Variants in SLC2A9 observed in about 807,000 individuals in gnomAD.
The protein encoded by SLC2A9 is solute carrier family 2, facilitated glucose transporter member 9.
In SLC2A9, 39 loss-of-function variants were observed where a neutral mutation model predicts 50.6. That is an observed-to-expected ratio of 0.77 (90% CI 0.60 to 1.01). The LOEUF is 1.01. Ranked by LOEUF, SLC2A9 falls within the 50% of genes least tolerant of loss-of-function variation. SLC2A9 has a pLI of 0.00. For missense variants in SLC2A9, 686 were observed against 677.6 expected, an observed-to-expected ratio of 1.01 and a Z score of -0.14; for synonymous variants, 324 against 276.9, an observed-to-expected ratio of 1.17 and a Z score of -1.69.
intron 1 of SLC2A9, among the ~76,000 whole-genome samples, chr4:10,027,064 A>G (rs955726318): frequency 6.6e-6 from 1 of 151,940 alleles, no homozygotes; most frequent in Non-Finnish European, 1.5e-5. Context: ...AAAAAAAAAG[A>G]ACCCAGACAC....
chr4:9,906,198 A>C (rs557407796), intron 8 of SLC2A9, among the ~76,000 whole-genome samples: 1 of 152,332 alleles, frequency 6.6e-6, no homozygotes, highest in Admixed American at 6.5e-5. Flanking sequence ...AGTCACAGAG[A>C]TGCTGAATAA....
chr4:9,879,218 G>T (rs1038854177), intron 10 of SLC2A9: 3 of 985,170 alleles, frequency 3.0e-6, no homozygotes, highest in East Asian at 2.3e-4. Flanking sequence ...CCAGAGGGGC[G>T]GGCTGTTTCT....
chr4:9,798,115 A>G (rs961526524), downstream of SLC2A9, among the ~76,000 whole-genome samples: 1 of 152,238 alleles, frequency 6.6e-6, no homozygotes, highest in Non-Finnish European at 1.5e-5. Flanking sequence ...GATTTTAGTC[A>G]GGATGGGTCT....
At chr4:9,982,440 G>C (rs1292005491) in intron 4 of SLC2A9, among the ~76,000 whole-genome samples, 2 of 150,556 alleles carry the variant, frequency 1.3e-5, no homozygotes, top group African/African-American at 4.9e-5. Flanking sequence ...AAAGCTCATA[G>C]GAAAAAGGGT....
At chr4:9,933,026 C>T (rs1289181396) in intron 6 of SLC2A9, among the ~76,000 whole-genome samples, 1 of 152,208 alleles carries the variant, frequency 6.6e-6, no homozygotes, top group Non-Finnish European at 1.5e-5. Flanking sequence ...AGAGCAGCTC[C>T]AGCATCTGCC....
chr4:9,827,126 G>A lies in SLC2A9; in HGVS notation c.1420-526C>T, dbSNP rs573918219. Among the ~76,000 whole-genome samples, 9 of 152,294 alleles carry A rather than the reference G, an allele frequency of 5.9e-5. No homozygotes were observed. The South Asian group carries it at 1.5e-3, about 25-fold the overall frequency. On this transcript the variant is annotated intron_variant, in intron 11 of 11. Coordinates refer to ENST00000264784, the MANE Select transcript of SLC2A9 (RefSeq NM_020041.3). ...GGCCTTGCACAAATAAGAGAGATCAGAAAAAATAGAAATGCTCAATGCAAT... is the reference window on the plus strand; with the variant it reads ...GGCCTTGCACAAATAAGAGAGATCAAAAAAAATAGAAATGCTCAATGCAAT...
At chr4:9,926,958 A>G (rs996890494) in intron 6 of SLC2A9, among the ~76,000 whole-genome samples, 12 of 151,830 alleles carry the variant, frequency 7.9e-5, no homozygotes, top group Non-Finnish European at 4.4e-5. Flanking sequence ...AAGAGGGAGC[A>G]TGGCCCTGCT....
intron 5 of SLC2A9, among the ~76,000 whole-genome samples, chr4:9,977,524 G>A (rs995316280): frequency 5.4e-4 from 82 of 150,860 alleles, no homozygotes; most frequent in African/African-American, 9.5e-4. Flanking sequence ...CCTTGCCAGC[G>A]GTCTCTCCCT....
intron 6 of SLC2A9, among the ~76,000 whole-genome samples, chr4:9,929,569 C>T (rs978874125): frequency 1.3e-5 from 2 of 152,150 alleles, no homozygotes; most frequent in Non-Finnish European, 2.9e-5. Flanking sequence ...TTAAGGTGGG[C>T]AAACATTGGC....
rs189943368 is a variant in SLC2A9 at position 9,813,831 on chromosome 4, C to T, written n.420+12589G>A. ...AATGAATGGGCCAGGTGATGTGGCT[C>T]ACACCTGTAATCCCAGCACTTTGAA... On this transcript the variant is annotated intron_variant and non_coding_transcript_variant, in intron 3 of 3. Transcript: ENST00000503280. Among the ~76,000 whole-genome samples the T allele has an allele frequency of 9.9e-5, 15 of 152,204 alleles. No homozygotes were observed. The East Asian group carries it at 1.4e-3, about 14-fold the overall frequency.
intron 10 of SLC2A9, among the ~76,000 whole-genome samples, chr4:9,850,934 C>G (rs1280054657): frequency 6.6e-6 from 1 of 152,128 alleles, no homozygotes; most frequent in African/African-American, 2.4e-5. Flanking sequence ...GTGCCCCACC[C>G]CCACTGGTGC....
chr4:9,783,897 G>A lies in SLC2A9; in HGVS notation n.386-3832C>T, dbSNP rs141292564. 683 of 177,398 alleles carry A rather than the reference G, an allele frequency of 3.9e-3. 7 individuals are homozygous for A. The highest frequency in any genetic ancestry group is 0.016 in the African/African-American group (655 of 41,708). 11.0% of individuals were successfully genotyped at this position (177,398 alleles called of 1,614,324 possible). On this transcript the variant is annotated intron_variant and non_coding_transcript_variant, in intron 3 of 3. Transcript: ENST00000503803. ...ACAGCTTTCCTGGGTCTGGATTCCC[G>A]TGGCTTTGTGCTTATGTCATTTCTT...
chr4:9,927,479 T>C (rs1423725774), intron 6 of SLC2A9, among the ~76,000 whole-genome samples: 1 of 152,236 alleles, frequency 6.6e-6, no homozygotes. Context: ...GCAAAGGGAC[T>C]TCACGTGGAG....
chr4:9,985,591 G>C (rs1045933529), intron 4 of SLC2A9, 78 bp downstream of exon 4: 11 of 1,582,834 alleles, frequency 6.9e-6, no homozygotes, highest in Non-Finnish European at 9.5e-6. Flanking sequence ...TCATGTGACA[G>C]CCCCAAACAC....
intron 5 of SLC2A9, among the ~76,000 whole-genome samples, chr4:9,964,025 C>T (rs965769147): frequency 6.6e-5 from 10 of 152,220 alleles, no homozygotes; most frequent in African/African-American, 1.7e-4. Flanking sequence ...CCAGGTCATA[C>T]GGACCTGGCA....
intron 5 of SLC2A9, among the ~76,000 whole-genome samples, chr4:9,967,801 A>T (rs1184583124): frequency 1.4e-5 from 2 of 144,348 alleles, no homozygotes; most frequent in Admixed American, 7.1e-5. Flanking sequence ...GTGACTGGTT[A>T]TTTAAAAATA....
At chr4:10,000,242 C>A (rs565819123) in intron 2 of SLC2A9, among the ~76,000 whole-genome samples, 1 of 152,320 alleles carries the variant, frequency 6.6e-6, no homozygotes, top group South Asian at 2.1e-4. Context: ...TCTACGTCAT[C>A]CACTGACTCA....
In SLC2A9 at chr4:9,892,195, G is replaced by A. The variant is rs367962733; in HGVS notation, c.1114-1484C>T. On this transcript the variant is annotated intron_variant, in intron 8 of 11. Coordinates refer to ENST00000264784, the MANE Select transcript of SLC2A9 (RefSeq NM_020041.3). The stretch of plus-strand genomic sequence containing the variant: ...GTGAGTGACAGCTGCCTGTCCGAAG[G>A]GCATAGCCCTGTGGGTCAGCTGAGC... Among the ~76,000 whole-genome samples the A allele has an allele frequency of 6.6e-5, 10 of 152,338 alleles. No individual in the cohort carries two copies. In the East Asian group the frequency reaches 9.7e-4, roughly 15 times the overall value.
chr4:9,813,846 A>C (rs892867359), intron 3 of SLC2A9, among the ~76,000 whole-genome samples: 10 of 152,202 alleles, frequency 6.6e-5, no homozygotes, highest in African/African-American at 2.4e-4. Context: ...CTGTAATCCC[A>C]GCACTTTGAA....
Sources: allele counts gnomAD v4.1 joint callset (sites outside exome capture counted in the v4.1 genomes callset), GRCh38; gene constraint gnomAD v4.1.1; transcripts MANE v1.5; gene names NCBI Gene and HGNC (gene_info 2026-07-23, HGNC 2026-07-21).